ATXN1: variants seen among roughly 807,000 people sequenced by gnomAD.
ATXN1 encodes the protein ataxin 1.
Under a neutral mutation model 56.4 loss-of-function variants are expected in ATXN1, and 8 were observed. That is an observed-to-expected ratio of 0.14 (90% CI 0.08 to 0.26). The LOEUF (loss-of-function observed/expected upper bound fraction) is 0.26. Ranked by LOEUF, ATXN1 falls within the 10% of genes least tolerant of loss-of-function variation. ATXN1 has a pLI of 1.00. For missense variants in ATXN1, 987 were observed against 1,106.5 expected, an observed-to-expected ratio of 0.89 and a Z score of 1.53; for synonymous variants, 514 against 494.6, an observed-to-expected ratio of 1.04 and a Z score of -0.52.
chr6:16,613,271 CAA>C (rs765813165), intron 3 of ATXN1, among the ~76,000 whole-genome samples: 131 of 52,488 alleles, frequency 2.5e-3, no homozygotes, highest in African/African-American at 7.9e-3. Flanking sequence ...GACTCCGTCT[CAA>C]AAAAAAAAAA....
intron 3 of ATXN1, among the ~76,000 whole-genome samples, chr6:16,611,841 C>T (rs1204895877): frequency 7.2e-6 from 1 of 138,906 alleles, no homozygotes; most frequent in African/African-American, 2.6e-5. Flanking sequence ...GAAAAATAAG[C>T]AGATGAAATT....
intron 6 of ATXN1, among the ~76,000 whole-genome samples, chr6:16,483,206 T>C (rs115648841): frequency 6.6e-6 from 1 of 151,988 alleles, no homozygotes; most frequent in African/African-American, 2.4e-5. Flanking sequence ...TGGTGGCAGA[T>C]TTGAGAGGCA....
chr6:16,461,060 C>T (rs1213200091), intron 6 of ATXN1, among the ~76,000 whole-genome samples: 5 of 152,236 alleles, frequency 3.3e-5, no homozygotes, highest in African/African-American at 1.2e-4. Flanking sequence ...CAGTGTTACA[C>T]TGCTGAAGCC....
At chr6:16,307,491 A>G (rs1760277781) in intron 7 of ATXN1, among the ~76,000 whole-genome samples, 1 of 151,914 alleles carries the variant, frequency 6.6e-6, no homozygotes, top group Non-Finnish European at 1.5e-5. Flanking sequence ...CAACATGGGG[A>G]AACCCCGTCT....
intron 4 of ATXN1, among the ~76,000 whole-genome samples, chr6:16,532,441 T>C (rs1357578110): frequency 6.6e-6 from 1 of 152,136 alleles, no homozygotes; most frequent in Non-Finnish European, 1.5e-5. Flanking sequence ...GGCTGCCCCA[T>C]GGAACCCCAG....
At chr6:16,544,006 G>A (rs1761765885) in intron 4 of ATXN1, among the ~76,000 whole-genome samples, 1 of 152,138 alleles carries the variant, frequency 6.6e-6, no homozygotes. Flanking sequence ...GATGATGAGA[G>A]GAACATCAGG....
At chr6:16,544,023 G>A (rs1192299116) in intron 4 of ATXN1, among the ~76,000 whole-genome samples, 11 of 152,288 alleles carry the variant, frequency 7.2e-5, no homozygotes, top group South Asian at 2.1e-4. Context: ...CAGGGTATTG[G>A]ACCATGAAGA....
At chr6:16,677,733 C>T (rs1423638290) in intron 2 of ATXN1, among the ~76,000 whole-genome samples, 5 of 152,144 alleles carry the variant, frequency 3.3e-5, no homozygotes, top group Admixed American at 3.3e-4. Flanking sequence ...AAATGTTCAC[C>T]TATGTCTTTC....
chr6:16,338,398 C>A (rs1426305854), intron 6 of ATXN1, among the ~76,000 whole-genome samples: 2 of 152,174 alleles, frequency 1.3e-5, no homozygotes, highest in African/African-American at 4.8e-5. Flanking sequence ...GAGGCTAAGG[C>A]AGGAGAATCG....
intron 4 of ATXN1, among the ~76,000 whole-genome samples, chr6:16,546,634 GCTA>G (rs1436209342): frequency 6.6e-6 from 1 of 152,164 alleles, no homozygotes; most frequent in Non-Finnish European, 1.5e-5. Flanking sequence ...ATATGAAATT[GCTA>G]CTACAAGATA....
chr6:16,543,023 T>C (rs1462451240), intron 4 of ATXN1, among the ~76,000 whole-genome samples: 1 of 152,022 alleles, frequency 6.6e-6, no homozygotes, highest in Non-Finnish European at 1.5e-5. Context: ...TGGGGGGAAC[T>C]ACTGTATCAA....
chr6:16,378,455 C>A (rs763501046), intron 6 of ATXN1, among the ~76,000 whole-genome samples: 2 of 152,190 alleles, frequency 1.3e-5, no homozygotes, highest in Non-Finnish European at 2.9e-5. Context: ...GAATATGTAA[C>A]TTGTGGAGCC....
At chr6:16,504,277 G>C (rs915131162) in intron 5 of ATXN1, among the ~76,000 whole-genome samples, 5 of 152,124 alleles carry the variant, frequency 3.3e-5, no homozygotes, top group Non-Finnish European at 5.9e-5. Flanking sequence ...TTCACTCCTG[G>C]GACTGGTTTG....
chr6:16,597,276 T>C (rs1278019365), intron 3 of ATXN1, among the ~76,000 whole-genome samples: 1 of 152,202 alleles, frequency 6.6e-6, no homozygotes. Context: ...CATAGGTACA[T>C]GCTCACCCTT....
At chr6:16,610,936 T>C (rs1581883249) in intron 3 of ATXN1, among the ~76,000 whole-genome samples, 2 of 148,586 alleles carry the variant, frequency 1.3e-5, no homozygotes, top group South Asian at 4.3e-4. Flanking sequence ...GAGGCTGAGG[T>C]GGGGGATCCT....
intron 3 of ATXN1, among the ~76,000 whole-genome samples, chr6:16,634,833 T>C (rs1365496102): frequency 6.6e-6 from 1 of 152,150 alleles, no homozygotes; most frequent in Non-Finnish European, 1.5e-5. Context: ...GAGTGCAGAG[T>C]GCTCAGCTCA....
At chr6:16,395,397 C>T (rs984935550) in intron 6 of ATXN1, among the ~76,000 whole-genome samples, 1 of 151,582 alleles carries the variant, frequency 6.6e-6, no homozygotes, top group African/African-American at 2.4e-5. Flanking sequence ...GATATAAAGT[C>T]ATGCACCACA....
chr6:16,339,252 A>G (rs570696828), intron 6 of ATXN1, among the ~76,000 whole-genome samples: 2 of 152,286 alleles, frequency 1.3e-5, no homozygotes, highest in East Asian at 3.9e-4. Context: ...AGGACATTAG[A>G]CAGCCCCAGT....
At chr6:16,700,981 GA>G (rs796839946) in intron 2 of ATXN1, among the ~76,000 whole-genome samples, 30 of 138,796 alleles carry the variant, frequency 2.2e-4, no homozygotes, top group South Asian at 2.3e-4. Flanking sequence ...AAAACAAATG[GA>G]AAAAAAAAAA....
Sources: allele counts gnomAD v4.1 joint callset (sites outside exome capture counted in the v4.1 genomes callset), GRCh38; gene constraint gnomAD v4.1.1; transcripts MANE v1.5; gene names NCBI Gene and HGNC (gene_info 2026-07-23, HGNC 2026-07-21).